Variants in COQ4 observed in about 807,000 individuals in gnomAD.
The protein encoded by COQ4 is ubiquinone biosynthesis protein COQ4 homolog, mitochondrial.
A neutral mutation model predicts 30.2 loss-of-function variants in COQ4; 36 were observed. That is an observed-to-expected ratio of 1.19 (90% confidence interval 0.91 to 1.57). The LOEUF (loss-of-function observed/expected upper bound fraction) is 1.57, where lower values mean the gene tolerates loss of function less well. Among genes scored for constraint, COQ4 ranks in the 40% most tolerant of loss-of-function variants. The pLI, the probability that COQ4 is intolerant of heterozygous loss-of-function variation, is 0.00. For missense variants in COQ4, 369 were observed against 371.9 expected (o/e 0.99, Z 0.07); for synonymous variants, 197 against 161.0 (o/e 1.22, Z -1.69).
chr9:128,333,555 C>T lies in COQ4; in HGVS notation c.708C>T (p.Tyr236=). The T allele has an allele frequency of 6.2e-7, 1 of 1,611,268 alleles. No individual in the cohort carries two copies. Among genetic ancestry groups the T allele is most frequent in the Non-Finnish European group, 8.5e-7 (1 of 1,178,894 alleles). ...GAGCCCCATGTGTCCTCAACCTGTA[C>T]TATGAGCGGCGCTGGGAGCAGTCCC... ...GRRAPCVLNL[Y]YERRWEQSLR... The change falls in exon 7 of 7, where the codon TAC becomes TAT. Residue 236 remains tyrosine (Y), a synonymous_variant. Transcript: ENST00000300452.
Position 128,334,018 on chromosome 9 carries a change from AAG to A in COQ4, c.*379_*380del, listed in dbSNP as rs1490047418. On this transcript the variant is annotated 3_prime_UTR_variant, in exon 7 of 7. Coordinates refer to ENST00000300452, the MANE Select transcript of COQ4 (RefSeq NM_016035.5). ...CTACACCCAATTCCAAAAGCCTGAGAAGAGAGAAGTGGAGGGGGAGGCGAGTG... is the reference window on the plus strand; with the variant it reads ...CTACACCCAATTCCAAAAGCCTGAGAAGAGAAGTGGAGGGGGAGGCGAGTG... The A allele has an allele frequency of 1.2e-5, 2 of 166,152 alleles. No homozygotes were observed. The highest frequency in any genetic ancestry group is 2.4e-5 in the African/African-American group (1 of 41,958). 10.3% of individuals were successfully genotyped at this position (166,152 alleles called of 1,614,324 possible).
rs1057523311 is a variant in COQ4, at chr9:128,323,167, G to A, written c.202+20G>A. On this transcript the variant is annotated intron_variant, in intron 2 of 6. Transcript: ENST00000300452. ...GCCACGGTAAGGCCGCCCGCGCCTC[G>A]CCCCCGTGGGGGCGGCTTGGAGCCG... The A allele has an allele frequency of 8.3e-6, 13 of 1,568,030 alleles. No homozygotes were observed. In the Admixed American group the frequency reaches 2.4e-4, roughly 28 times the overall value.
At chr9:128,332,545 A>C in intron 5 of COQ4, 1 of 579,520 alleles carries the variant, frequency 1.7e-6, no homozygotes, top group Non-Finnish European at 3.1e-6. Context: ...CTGCTCTGAA[A>C]CCTCAGTAGC....
chr9:128,324,802 T>C (rs1311655947), intron 2 of COQ4, among the ~76,000 whole-genome samples: 1 of 152,206 alleles, frequency 6.6e-6, no homozygotes, highest in Non-Finnish European at 1.5e-5. Flanking sequence ...GTCACCTAGA[T>C]AGTGAACACA....
At position 128,325,787 on chromosome 9, in the gene COQ4, C is replaced by A. The variant is rs761787873; in HGVS notation, c.308C>A (p.Pro103His). 2 of 1,613,892 alleles carry A rather than the reference C, an allele frequency of 1.2e-6. No individual in the cohort carries two copies. Among genetic ancestry groups the A allele is most frequent in the South Asian group, 1.1e-5 (1 of 91,084 alleles). ...CAAGTCTTGCCTTTCAGGGAGCGTC[C>A]CCGGATTTCGACATCCACCCTCGAC... ...PEGAQILQER[P>H]RISTSTLDLG... is the part of the protein sequence containing the mutation. Residue 103 changes from proline to histidine, a missense_variant, in exon 4 of 7, where the codon CCC (proline) becomes CAC (histidine). By Grantham distance (77) the Pro-to-His change is moderately conservative. Transcript: ENST00000300452.
At position 128,333,749 on chromosome 9, in the gene COQ4, C is replaced by A; in HGVS notation, c.*104C>A. 9.6e-7 allele frequency: 1 copy of A among 1,039,556 alleles called. No individual in the cohort carries two copies. Among genetic ancestry groups the A allele is most frequent in the Non-Finnish European group, 1.3e-6 (1 of 755,006 alleles). The allele number at this position is 1,039,556 out of a possible 1,614,324, so 64.4% of individuals were successfully genotyped here. ...TTGTTCCTCTTCTTTGAACACTGACCCTTGGACAACATTTATCATAATTTG... is the reference window on the plus strand; with the variant it reads ...TTGTTCCTCTTCTTTGAACACTGACACTTGGACAACATTTATCATAATTTG... On this transcript the variant is annotated 3_prime_UTR_variant, in exon 7 of 7. Transcript: ENST00000300452.
chr9:128,323,133 A>G lies in COQ4; in HGVS notation c.188A>G (p.Asn63Ser). ...GGCTCCGCGGCGATGGCGCTCTATA[A>G]CCCCTACCGCCACGGTAAGGCCGCC... ...AAGSAAMALY[N>S]PYRHDMVAVL... The change falls in exon 2 of 7, where the codon AAC (asparagine) becomes AGC (serine). Residue 63 changes from asparagine to serine, a missense_variant. By Grantham distance (46) the Asn-to-Ser change is conservative. Transcript: ENST00000300452. 6.2e-7 allele frequency: 1 copy of G among 1,602,782 alleles called. No homozygotes were observed. Among genetic ancestry groups the G allele is most frequent in the Admixed American group, 1.7e-5 (1 of 58,768 alleles).
At position 128,323,061 on chromosome 9, in the gene COQ4, C is replaced by T. The variant is rs565154301; in HGVS notation, c.116C>T (p.Ser39Leu). Residue 39 changes from serine to leucine, a missense_variant, in exon 2 of 7, where the codon TCG becomes TTG. Ser to Leu is a moderately radical substitution (Grantham distance 145). Transcript: ENST00000300452. ...AGCGACGGCGCCGGCCCGCTATACT[C>T]GCACCACCTCCCCACCTCCCCGCTG... ...ARSDGAGPLYSHHLPTSPLQK... is the reference protein window; with the variant it reads ...ARSDGAGPLYLHHLPTSPLQK... 5 of 1,612,180 alleles carry T rather than the reference C, an allele frequency of 3.1e-6. No individual in the cohort carries two copies. The highest frequency in any genetic ancestry group is 4.5e-5 in the East Asian group (2 of 44,866).
At chr9:128,324,454 T>G (rs1302014739) in intron 2 of COQ4, among the ~76,000 whole-genome samples, 1 of 152,156 alleles carries the variant, frequency 6.6e-6, no homozygotes, top group African/African-American at 2.4e-5. Context: ...ATTTTCATGG[T>G]TTCTCACATT....
At chr9:128,325,288 T>C (rs1304413847) in intron 3 of COQ4, 49 bp downstream of exon 3, 4 of 1,277,788 alleles carry the variant, frequency 3.1e-6, no homozygotes, top group Non-Finnish European at 4.5e-6. Context: ...CTAGGTATTC[T>C]GACCTCTCTA....
intron 4 of COQ4, chr9:128,331,274 A>T (rs2131233121): frequency 6.6e-6 from 1 of 152,362 alleles, no homozygotes; most frequent in Admixed American, 6.5e-5. Context: ...CATACTGGAC[A>T]GTGTAGGTCT....
chr9:128,323,268 T>C (rs1251780694), intron 2 of COQ4, 121 bp downstream of exon 2: 1 of 972,170 alleles, frequency 1.0e-6, no homozygotes, highest in Non-Finnish European at 1.5e-6. Context: ...ACTCGGAACG[T>C]TTATGAAAAT....
intron 4 of COQ4, among the ~76,000 whole-genome samples, chr9:128,329,412 T>C (rs960348055): frequency 1.3e-5 from 2 of 152,230 alleles, no homozygotes; most frequent in African/African-American, 2.4e-5. Flanking sequence ...AGTCTCGCTC[T>C]GTCACCCAGG....
At chr9:128,327,259 A>AT (rs1287623940) in intron 4 of COQ4, among the ~76,000 whole-genome samples, 1 of 151,974 alleles carries the variant, frequency 6.6e-6, no homozygotes, top group African/African-American at 2.4e-5. Context: ...TCTGACCAAC[A>AT]TGGTGGAAAC....
rs145991065 is a variant in COQ4, at chr9:128,333,507, A to T, written c.660A>T (p.Pro220=). Residue 220 remains proline, a synonymous_variant, in exon 7 of 7, where the codon CCA becomes CCT. Transcript: ENST00000300452. ...AAGTGCTGGTCTCGGAGTTGATCCC[A>T]TGGGCCGTTCAGAACGGGCGCAGAG... is the stretch of plus-strand genomic sequence containing the variant. ...SLQVLVSELI[P]WAVQNGRRAP... 8.9e-5 allele frequency: 140 copies of T among 1,574,574 alleles called. No individual in the cohort carries two copies. Among genetic ancestry groups the T allele is most frequent in the Non-Finnish European group, 9.8e-5 (114 of 1,163,208 alleles).
rs1167247433 is a variant in COQ4 at position 128,333,915 on chromosome 9, G to T, written c.*270G>T. 1 of 282,798 alleles carries T rather than the reference G, an allele frequency of 3.5e-6. No homozygotes were observed. Among genetic ancestry groups the T allele is most frequent in the African/African-American group, 2.2e-5 (1 of 45,748 alleles). The allele number at this position is 282,798 out of a possible 1,614,324, so 17.5% of individuals were successfully genotyped here. ...TCGTCTGGGCTCATGCTGGGATGTC[G>T]CAGTGCTCCTGTTGCAACTCCTCCC... On this transcript the variant is annotated 3_prime_UTR_variant, in exon 7 of 7. Coordinates refer to ENST00000300452, the MANE Select transcript of COQ4 (RefSeq NM_016035.5).
Position 128,332,852 on chromosome 9 carries a change from G to A in COQ4, c.535G>A (p.Glu179Lys), listed in dbSNP as rs779020476. ...LLGMPTNILG[E>K]IVVKWFEAVQ... The stretch of plus-strand genomic sequence containing the variant: ...CCCAACACATCCCTCACCCACAGGG[G>A]AGATCGTGGTGAAATGGTTTGAGGC... The change falls in exon 6 of 7, where the codon GAG becomes AAG. Residue 179 changes from glutamate (E) to lysine (K), a missense_variant and splice_region_variant. Physicochemically the swap from Glu to Lys is moderately conservative, Grantham distance 56. Transcript: ENST00000300452. 3.1e-6 allele frequency: 5 copies of A among 1,612,786 alleles called. No individual in the cohort carries two copies. Among genetic ancestry groups the A allele is most frequent in the African/African-American group, 1.3e-5 (1 of 74,910 alleles).
rs1289582091 is a variant in COQ4 at position 128,332,903 on chromosome 9, A to C, written c.586A>C (p.Ile196Leu). ...EAVQTGLPMC[I>L]LGAFFGPIRL... ...TGTCCAGACTGGCCTGCCCATGTGC[A>C]TCCTGGGTGCATTCTTTGGACCGAT... Residue 196 changes from isoleucine (I) to leucine (L), a missense_variant, in exon 6 of 7, where the codon ATC becomes CTC. By Grantham distance (5) the Ile-to-Leu change is conservative. Coordinates refer to ENST00000300452, the MANE Select transcript of COQ4 (RefSeq NM_016035.5). 1 of 1,614,188 alleles carries C rather than the reference A, an allele frequency of 6.2e-7. No individual in the cohort carries two copies. The highest frequency in any genetic ancestry group is 1.1e-5 in the South Asian group (1 of 91,090).
chr9:128,330,142 G>A (rs1832380956), intron 4 of COQ4, among the ~76,000 whole-genome samples: 1 of 151,794 alleles, frequency 6.6e-6, no homozygotes, highest in Non-Finnish European at 1.5e-5. Context: ...AGGCCCAGGC[G>A]GGTGGATCAC....
Sources: allele counts gnomAD v4.1 joint callset (sites outside exome capture counted in the v4.1 genomes callset), GRCh38; gene constraint gnomAD v4.1.1; transcripts MANE v1.5; gene names NCBI Gene and HGNC (gene_info 2026-07-23, HGNC 2026-07-21).